Variants in ROBO2 observed in about 807,000 individuals in gnomAD.
ROBO2 encodes the protein roundabout guidance receptor 2, also known as roundabout homolog 2.
Under a neutral mutation model 160.8 loss-of-function variants are expected in ROBO2, and 53 were observed. The ratio of observed to expected loss-of-function variants is 0.33; its 90% confidence interval spans 0.26 to 0.41. The LOEUF (loss-of-function observed/expected upper bound fraction) is 0.41. Among genes scored for constraint, ROBO2 ranks in the 10% least tolerant of loss-of-function variants. The pLI is 1.00. For synonymous variants in ROBO2, 664 were observed against 611.7 expected, an observed-to-expected ratio of 1.09 and a Z score of -1.26; for missense variants, 1,577 against 1,722.4, an observed-to-expected ratio of 0.92 and a Z score of 1.49.
intron 2 of ROBO2, among the ~76,000 whole-genome samples, chr3:77,129,171 T>C (rs1330235568): frequency 6.6e-6 from 1 of 152,044 alleles, no homozygotes; most frequent in Non-Finnish European, 1.5e-5. Flanking sequence ...TTACTAATTA[T>C]GTGTCTTTAT....
In ROBO2 at chr3:76,966,937, G is replaced by A. The variant is rs193116828; in HGVS notation, c.110-131077G>A. 8.9e-4 allele frequency among the ~76,000 whole-genome samples: 135 copies of A among 152,270 alleles called. 1 individual carries two copies. Among genetic ancestry groups the A allele is most frequent in the East Asian group, 1.4e-3 (7 of 5,182 alleles). ...AACAAGACTTTGCTTGAAGAGCAGGGTACCCACATCAGCCAACATTCTTTA... is the reference window on the plus strand; with the variant it reads ...AACAAGACTTTGCTTGAAGAGCAGGATACCCACATCAGCCAACATTCTTTA... On this transcript the variant is annotated intron_variant, in intron 2 of 26. Coordinates refer to the ROBO2 transcript ENST00000487694.
chr3:76,985,254 G>A (rs899283704), intron 2 of ROBO2, among the ~76,000 whole-genome samples: 1 of 151,994 alleles, frequency 6.6e-6, no homozygotes, highest in Non-Finnish European at 1.5e-5. Flanking sequence ...TAAAATATGT[G>A]CTTTAGGAAA....
At chr3:76,127,950 C>A (rs965987958) in intron 2 of ROBO2, among the ~76,000 whole-genome samples, 11 of 129,890 alleles carry the variant, frequency 8.5e-5, no homozygotes, top group African/African-American at 3.2e-4. Context: ...GGCTGGAGTG[C>A]AGTGGCGTGA....
intron 2 of ROBO2, among the ~76,000 whole-genome samples, chr3:77,116,145 A>T (rs12185957): frequency 2.0e-4 from 31 of 152,122 alleles, no homozygotes; most frequent in African/African-American, 7.2e-4. Flanking sequence ...GAAATCAGTA[A>T]TGTTTGTGGT....
At position 76,618,685 on chromosome 3, in the gene ROBO2, A is replaced by C. The variant is rs2088796665; in HGVS notation, c.110-479329A>C. Among the ~76,000 whole-genome samples, 2 of 151,688 alleles carry C rather than the reference A, an allele frequency of 1.3e-5. 1 individual carries two copies. Among genetic ancestry groups the C allele is most frequent in the African/African-American group, 4.9e-5 (2 of 41,120 alleles). ...AAATATTAGAGCATTTCTCTTGTGTATTAGTTCCTGGCACCTAATATACCT... is the reference window on the plus strand; with the variant it reads ...AAATATTAGAGCATTTCTCTTGTGTCTTAGTTCCTGGCACCTAATATACCT... On this transcript the variant is annotated intron_variant, in intron 2 of 26. Coordinates refer to the ROBO2 transcript ENST00000487694.
At chr3:76,886,177 C>T (rs532591410) in intron 2 of ROBO2, among the ~76,000 whole-genome samples, 2 of 151,946 alleles carry the variant, frequency 1.3e-5, no homozygotes, top group African/African-American at 2.4e-5. Flanking sequence ...TGGGAGAGCA[C>T]TTCCTAATAA....
intron 2 of ROBO2, among the ~76,000 whole-genome samples, chr3:76,867,392 TTATG>T (rs1423924715): frequency 7.9e-5 from 12 of 152,192 alleles, no homozygotes; most frequent in African/African-American, 2.9e-4. Flanking sequence ...TTATAAATGT[TTATG>T]TATGTTATAG....
intron 6 of ROBO2, among the ~76,000 whole-genome samples, chr3:77,525,776 C>A (rs2091084882): frequency 6.7e-6 from 1 of 150,130 alleles, no homozygotes; most frequent in East Asian, 2.0e-4. Flanking sequence ...TGATTTCTCA[C>A]CACAGTTTCT....
intron 2 of ROBO2, among the ~76,000 whole-genome samples, chr3:76,066,740 G>A (rs1377371462): frequency 1.3e-5 from 2 of 151,822 alleles, no homozygotes; most frequent in East Asian, 1.9e-4. Flanking sequence ...ATTTATCTTA[G>A]TGTTACTTTA....
chr3:76,907,823 G>GGTGTGT (rs71104638), intron 2 of ROBO2, among the ~76,000 whole-genome samples: 21,746 of 145,342 alleles, frequency 0.15, 1,903 homozygotes, highest in Middle Eastern at 0.21. Context: ...GTTTGTTTGG[G>GGTGTGT]GTGTGTGTGT....
chr3:76,760,113 A>T (rs760358356), intron 2 of ROBO2, among the ~76,000 whole-genome samples: 13 of 151,690 alleles, frequency 8.6e-5, no homozygotes, highest in Non-Finnish European at 1.9e-4. Flanking sequence ...GACTAGAGGT[A>T]GCTGTTGTGT....
intron 2 of ROBO2, among the ~76,000 whole-genome samples, chr3:76,057,852 A>G (rs2067908706): frequency 6.6e-6 from 1 of 152,062 alleles, no homozygotes; most frequent in African/African-American, 2.4e-5. Context: ...TCCTAATCTC[A>G]TACCATAAAC....
At chr3:75,911,104 T>C (rs1320957761) in intron 1 of ROBO2, among the ~76,000 whole-genome samples, 7 of 152,152 alleles carry the variant, frequency 4.6e-5, no homozygotes, top group African/African-American at 1.7e-4. Flanking sequence ...CTTAGTGTGA[T>C]ATATATTTTG....
intron 2 of ROBO2, among the ~76,000 whole-genome samples, chr3:77,325,595 T>A (rs2153436239): frequency 6.6e-6 from 1 of 152,316 alleles, no homozygotes; most frequent in Non-Finnish European, 1.5e-5. Context: ...TAGCTCTGCA[T>A]CTTGGGCAAA....
chr3:77,554,978 T>A (rs1296545168), intron 8 of ROBO2, among the ~76,000 whole-genome samples: 1 of 151,884 alleles, frequency 6.6e-6, no homozygotes, highest in Non-Finnish European at 1.5e-5. Flanking sequence ...GAATAGTGAA[T>A]CAATATGGTA....
intron 2 of ROBO2, among the ~76,000 whole-genome samples, chr3:77,376,154 CTT>C (rs11425201): frequency 2.1e-4 from 24 of 115,542 alleles, no homozygotes; most frequent in African/African-American, 6.1e-4. Flanking sequence ...ATTTAACTTT[CTT>C]TTTTTTTTTT....
chr3:76,747,715 C>G (rs2093916617), intron 2 of ROBO2, among the ~76,000 whole-genome samples: 1 of 150,924 alleles, frequency 6.6e-6, no homozygotes, highest in Non-Finnish European at 1.5e-5. Flanking sequence ...TGACTAAATC[C>G]CAGTAAATTT....
chr3:77,541,804 T>C (rs1029902225), intron 6 of ROBO2, among the ~76,000 whole-genome samples: 4 of 152,228 alleles, frequency 2.6e-5, no homozygotes, highest in Admixed American at 6.5e-5. Context: ...TAAGTATATA[T>C]TTTATAGTCT....
rs1271281101 is a variant in ROBO2, at chr3:76,727,549, G to A, written c.110-370465G>A. Among the ~76,000 whole-genome samples, 7 of 151,986 alleles carry A rather than the reference G, an allele frequency of 4.6e-5. No homozygotes were observed. The South Asian group carries it at 1.2e-3, about 27-fold the overall frequency. On this transcript the variant is annotated intron_variant, in intron 2 of 26. Coordinates refer to the ROBO2 transcript ENST00000487694. ...AGAAAATGTGGTATAAACATACAACGGAATAGTCTTCAACCATAAAAAAGA... is the reference window on the plus strand; with the variant it reads ...AGAAAATGTGGTATAAACATACAACAGAATAGTCTTCAACCATAAAAAAGA...
Sources: gnomAD v4.1 joint callset for allele counts (sites outside exome capture counted in the v4.1 genomes callset) on GRCh38, gnomAD v4.1.1 for gene constraint, MANE v1.5 for transcripts, NCBI Gene and HGNC (gene_info 2026-07-23, HGNC 2026-07-21) for gene names.